Variants in TTC23 observed in about 807,000 individuals in gnomAD.
TTC23 encodes tetratricopeptide repeat domain 23, also known as tetratricopeptide repeat protein 23.
TTC23 carries 58 observed loss-of-function variants against 55.1 expected under a neutral mutation model. The ratio of observed to expected loss-of-function variants is 1.05; its 90% CI spans 0.85 to 1.31. The LOEUF is 1.31. TTC23 is among the 50% of genes most tolerant of loss of function. TTC23 has a pLI of 0.00. For missense variants in TTC23, 516 were observed against 534.4 expected, an observed-to-expected ratio of 0.97 and a Z score of 0.34; for synonymous variants, 203 against 199.9, an observed-to-expected ratio of 1.02 and a Z score of -0.13.
intron 8 of TTC23, among the ~76,000 whole-genome samples, chr15:99,201,684 A>G (rs1189836071): frequency 1.3e-5 from 2 of 152,200 alleles, no homozygotes; most frequent in East Asian, 3.8e-4. Flanking sequence ...TTCAGGGACT[A>G]AGGAGGGCTA....
chr15:99,145,576 AGGTGGTGGT>A (rs1228152338), intron 12 of TTC23, among the ~76,000 whole-genome samples: 2 of 114,282 alleles, frequency 1.8e-5, no homozygotes, highest in South Asian at 3.0e-4. Flanking sequence ...GGATGGGGGG[AGGTGGTGGT>A]GGTGGTGGTG....
At chr15:99,202,314 T>C (rs578098430) in intron 8 of TTC23, among the ~76,000 whole-genome samples, 150 of 152,318 alleles carry the variant, frequency 9.8e-4, no homozygotes, top group African/African-American at 3.5e-3. Flanking sequence ...CCTCGTCATG[T>C]TCATAAAAGA....
chr15:99,170,055 C>T (rs2072702319), intron 10 of TTC23, among the ~76,000 whole-genome samples: 1 of 152,148 alleles, frequency 6.6e-6, no homozygotes, highest in Non-Finnish European at 1.5e-5. Context: ...AACACAAAGC[C>T]AATGCCCTGA....
Position 99,137,747 on chromosome 15 carries a change from A to G in TTC23, c.*263T>C. 2 of 475,714 alleles carry G rather than the reference A, an allele frequency of 4.2e-6. No homozygotes were observed. The highest frequency in any genetic ancestry group is 5.5e-5 in the South Asian group (2 of 36,038). The allele number at this position is 475,714 out of a possible 1,614,324, so 29.5% of individuals were successfully genotyped here. A position where few individuals can be genotyped will look rare whatever the true frequency, so the allele number is the denominator to read the frequency against. ...AAGTTTTTCAGCCACAGTAGTGCTGATGGGTAAAAATTCTTGTTGGCAAGA... is the reference window on the plus strand; with the variant it reads ...AAGTTTTTCAGCCACAGTAGTGCTGGTGGGTAAAAATTCTTGTTGGCAAGA... On this transcript the variant is annotated 3_prime_UTR_variant, in exon 14 of 14. Transcript: ENST00000394132.
intron 11 of TTC23, chr15:99,160,332 T>C (rs1212155282): frequency 6.6e-6 from 1 of 151,604 alleles, no homozygotes; most frequent in Non-Finnish European, 1.5e-5. Context: ...AGGTTAGAGT[T>C]GAAAAAAATA....
rs999179156 is a variant in TTC23 at position 99,138,794 on chromosome 15, C to T, written c.1226+523G>A. 2.0e-5 allele frequency among the ~76,000 whole-genome samples: 3 copies of T among 152,318 alleles called. No homozygotes were observed. The East Asian group carries it at 5.8e-4, about 29-fold the overall frequency. The stretch of plus-strand genomic sequence containing the variant: ...CCTGCTGGCCAGGTTGTGTCTGCTC[C>T]GGGCTGTGGCCCTGTTTCCCTGAGC... On this transcript the variant is annotated intron_variant, in intron 13 of 13. Transcript: ENST00000394132.
At chr15:99,205,571 T>G (rs1179787117) in intron 8 of TTC23, among the ~76,000 whole-genome samples, 1 of 152,018 alleles carries the variant, frequency 6.6e-6, no homozygotes, top group Non-Finnish European at 1.5e-5. Flanking sequence ...GTAGCTATTG[T>G]AAATGGCATT....
At chr15:99,170,949 T>C (rs766609170) in intron 10 of TTC23, among the ~76,000 whole-genome samples, 1 of 152,250 alleles carries the variant, frequency 6.6e-6, no homozygotes, top group Non-Finnish European at 1.5e-5. Context: ...AGGATTTCAA[T>C]GGCAGCAGTT....
intron 10 of TTC23, among the ~76,000 whole-genome samples, chr15:99,174,667 C>A (rs1188257041): frequency 6.6e-6 from 1 of 152,134 alleles, no homozygotes; most frequent in Non-Finnish European, 1.5e-5. Flanking sequence ...AAAGTTCAGC[C>A]CTGACAGTGC....
intron 3 of TTC23, among the ~76,000 whole-genome samples, chr15:99,236,149 A>G (rs961203393): frequency 6.6e-6 from 1 of 152,208 alleles, no homozygotes; most frequent in Non-Finnish European, 1.5e-5. Flanking sequence ...TGGGAGGTAC[A>G]TGCCCAGAAG....
intron 6 of TTC23, among the ~76,000 whole-genome samples, chr15:99,220,499 C>G (rs1377574098): frequency 6.6e-6 from 1 of 152,114 alleles, no homozygotes; most frequent in East Asian, 1.9e-4. Context: ...ATGGGGAAAG[C>G]TGTTCTAACT....
intron 9 of TTC23, among the ~76,000 whole-genome samples, chr15:99,190,197 GAA>G (rs2075116039): frequency 6.8e-6 from 1 of 147,258 alleles, no homozygotes; most frequent in African/African-American, 2.5e-5. Context: ...AAGAAAGAAA[GAA>G]AGAAAGAAAA....
intron 6 of TTC23, 152 bp downstream of exon 6, chr15:99,221,589 C>A (rs962427656): frequency 2.1e-6 from 2 of 945,442 alleles, no homozygotes; most frequent in African/African-American, 1.7e-5. Flanking sequence ...AGGTTATATA[C>A]CTTATCAACT....
intron 11 of TTC23, 138 bp downstream of exon 11, chr15:99,161,602 C>A (rs759918738): frequency 1.1e-5 from 10 of 933,894 alleles, no homozygotes; most frequent in Non-Finnish European, 1.5e-5. Context: ...GGAGCCCTAG[C>A]CTTATTTATG....
intron 8 of TTC23, among the ~76,000 whole-genome samples, chr15:99,212,601 C>T (rs1224595859): frequency 6.6e-6 from 1 of 152,110 alleles, no homozygotes; most frequent in Non-Finnish European, 1.5e-5. Context: ...CACCCCGCGG[C>T]ACTTATCTGT....
chr15:99,168,803 C>T (rs1263070143), intron 10 of TTC23, among the ~76,000 whole-genome samples: 1 of 152,182 alleles, frequency 6.6e-6, no homozygotes, highest in African/African-American at 2.4e-5. Flanking sequence ...GGGCTGCCAA[C>T]CCCTGCAGCC....
At chr15:99,217,259 C>T (rs1207492159) in intron 8 of TTC23, among the ~76,000 whole-genome samples, 3 of 151,718 alleles carry the variant, frequency 2.0e-5, no homozygotes, top group East Asian at 3.9e-4. Context: ...TGGGTTCAAG[C>T]GATTTCTCCT....
chr15:99,146,244 C>A (rs542941384), intron 12 of TTC23, among the ~76,000 whole-genome samples: 1 of 152,224 alleles, frequency 6.6e-6, no homozygotes, highest in Admixed American at 6.5e-5. Flanking sequence ...CAAGTGGAGC[C>A]GGCTTTTTGT....
chr15:99,163,395 T>A (rs114667414), intron 10 of TTC23, among the ~76,000 whole-genome samples: 2,731 of 152,294 alleles, frequency 0.018, 84 homozygotes, highest in African/African-American at 0.062. Flanking sequence ...TGCAAGGAAC[T>A]GAACTGTGCT....
Sources: gnomAD v4.1 joint callset for allele counts (sites outside exome capture counted in the v4.1 genomes callset) on GRCh38, gnomAD v4.1.1 for gene constraint, MANE v1.5 for transcripts, NCBI Gene and HGNC (gene_info 2026-07-23, HGNC 2026-07-21) for gene names.